Variants in SLC38A7 observed in about 807,000 individuals in gnomAD.
SLC38A7 encodes sodium-coupled neutral amino acid transporter 7.
SLC38A7 carries 29 observed loss-of-function variants against 50.1 expected under a neutral mutation model. That is an observed-to-expected ratio of 0.58 (90% CI 0.43 to 0.79). The LOEUF (loss-of-function observed/expected upper bound fraction) is 0.79. SLC38A7 is among the 30% of genes least tolerant of loss of function. The pLI, the probability that SLC38A7 is intolerant of heterozygous loss-of-function variation, is 0.00. For missense variants in SLC38A7, 483 were observed against 610.6 expected (o/e 0.79, Z 2.20); for synonymous variants, 244 against 245.9 (o/e 0.99, Z 0.07).
Position 58,678,739 on chromosome 16 carries a change from G to C in SLC38A7, c.426C>G (p.Thr142=), listed in dbSNP as rs759036819. Residue 142 remains threonine (T), a synonymous_variant, in exon 4 of 12, where the codon ACC becomes ACG. Coordinates refer to ENST00000219320, the MANE Select transcript of SLC38A7 (RefSeq NM_018231.3). The surrounding 1 kb of genome is among the most constrained non-coding windows in gnomAD (Gnocchi z 4.0). Reference sequence around the variant, plus strand: ...CAATGATGATTAGGAAGGCAATGCAGGTGCCAAAGGTGTAGACAGCGATGG... The same window carrying C: ...CAATGATGATTAGGAAGGCAATGCACGTGCCAAAGGTGTAGACAGCGATGG... ...EVAIAVYTFG[T]CIAFLIIIGD... is the part of the protein sequence containing the mutation. 8.7e-6 allele frequency: 14 copies of C among 1,614,178 alleles called. No homozygotes were observed. In the East Asian group the frequency reaches 3.1e-4, roughly 36 times the overall value.
At chr16:58,670,018 C>T (rs2044129428) in intron 11 of SLC38A7, 95 bp downstream of exon 11, 1 of 1,067,342 alleles carries the variant, frequency 9.4e-7, no homozygotes, top group Non-Finnish European at 1.4e-6. Context: ...TCTAAGTACA[C>T]AAGCCTCTGA....
chr16:58,672,345 G>T, intron 8 of SLC38A7, 102 bp from the exon 9 acceptor site: 1 of 1,272,886 alleles, frequency 7.9e-7, no homozygotes, highest in Non-Finnish European at 1.1e-6. Context: ...TGCAGCAGCA[G>T]CTCTGGACAC....
Position 58,675,958 on chromosome 16 carries a change from C to A in SLC38A7, c.865G>T (p.Ala289Ser). The A allele has an allele frequency of 6.2e-7, 1 of 1,612,326 alleles. No homozygotes were observed. The highest frequency in any genetic ancestry group is 8.5e-7 in the Non-Finnish European group (1 of 1,179,280). The change falls in exon 8 of 12, where the codon GCT becomes TCT. Residue 289 changes from alanine (A) to serine (S), a missense_variant. Physicochemically the swap from Ala to Ser is moderately conservative, Grantham distance 99. Coordinates refer to ENST00000219320, the MANE Select transcript of SLC38A7 (RefSeq NM_018231.3). ...CACTCACCTGTCCCCATGTAGACAG[C>A]GAGGGCTATGACCATGGCAGCTGTC... ...VVTAAMVIAL[A>S]VYMGTGICGF...
At position 58,678,979 on chromosome 16, in the gene SLC38A7, G is replaced by T; in HGVS notation, c.271-85C>A. Reference sequence around the variant, plus strand: ...GGCTCGCCTAGCATTTACTGGGCCAGTGCCCAAAGCAAGCTTGGCAAATCT... The same window carrying T: ...GGCTCGCCTAGCATTTACTGGGCCATTGCCCAAAGCAAGCTTGGCAAATCT... On this transcript the variant is annotated intron_variant, in intron 3 of 11. Coordinates refer to ENST00000219320, the MANE Select transcript of SLC38A7 (RefSeq NM_018231.3). This position sits in a 1 kb window ranked among gnomAD's most constrained non-coding sequence, Gnocchi z 4.0. 7.3e-7 allele frequency: 1 copy of T among 1,371,666 alleles called. No individual in the cohort carries two copies. Among genetic ancestry groups the T allele is most frequent in the South Asian group, 1.2e-5 (1 of 81,662 alleles). 85.0% of individuals were successfully genotyped at this position (1,371,666 alleles called of 1,614,324 possible).
intron 11 of SLC38A7, 83 bp from the exon 12 acceptor site, chr16:58,667,570 T>G: frequency 1.9e-6 from 2 of 1,063,134 alleles, no homozygotes; most frequent in Non-Finnish European, 2.7e-6. Flanking sequence ...TGTTAATTAC[T>G]GTAATTATCG....
chr16:58,672,325 G>T, intron 8 of SLC38A7, 82 bp from the exon 9 acceptor site: 1 of 1,421,526 alleles, frequency 7.0e-7, no homozygotes, highest in Non-Finnish European at 9.5e-7. Flanking sequence ...AGCAACATCA[G>T]CCTGGAGGCT....
At chr16:58,672,006 T>A in intron 9 of SLC38A7, 90 bp downstream of exon 9, 1 of 1,380,844 alleles carries the variant, frequency 7.2e-7, no homozygotes. Context: ...TTTCTCCTTC[T>A]ACAGGATGGG....
chr16:58,677,460 A>G, intron 5 of SLC38A7, 36 bp from the exon 6 acceptor site: 1 of 1,586,530 alleles, frequency 6.3e-7, no homozygotes. Context: ...CCTCATCCCC[A>G]GCTGCCTCTT....
rs1444902163 is a variant in SLC38A7, at chr16:58,666,305, C to T, written c.*1080G>A. On this transcript the variant is annotated 3_prime_UTR_variant, in exon 12 of 12. Transcript: ENST00000219320. Reference sequence around the variant, plus strand: ...TGGTCTCGAACTCCTGACCTCAAGTCATCTGCCCGCCTTGGCCTCCCAAAG... The same window carrying T: ...TGGTCTCGAACTCCTGACCTCAAGTTATCTGCCCGCCTTGGCCTCCCAAAG... 3 of 150,974 alleles carry T rather than the reference C, an allele frequency of 2.0e-5. No individual in the cohort carries two copies. The East Asian group carries it at 5.8e-4, about 29-fold the overall frequency. The allele number at this position is 150,974 out of a possible 1,614,324, so 9.4% of individuals were successfully genotyped here.
chr16:58,678,998 CA>C lies in SLC38A7; in HGVS notation c.271-105del. 2 of 1,142,770 alleles carry C rather than the reference CA, an allele frequency of 1.8e-6. No homozygotes were observed. The highest frequency in any genetic ancestry group is 2.8e-5 in the South Asian group (2 of 71,572). 70.8% of individuals were successfully genotyped at this position (1,142,770 alleles called of 1,614,324 possible). A position where few individuals can be genotyped will look rare whatever the true frequency, so the allele number is the denominator to read the frequency against. On this transcript the variant is annotated intron_variant, in intron 3 of 11. Transcript: ENST00000219320. The surrounding 1 kb of genome is among the most constrained non-coding windows in gnomAD (Gnocchi z 4.0). Reference sequence around the variant, plus strand: ...GGGCCAGTGCCCAAAGCAAGCTTGGCAAATCTCACAAAGGCAATTTTAAGAG... The same window carrying C: ...GGGCCAGTGCCCAAAGCAAGCTTGGCAATCTCACAAAGGCAATTTTAAGAG...
intron 6 of SLC38A7, 25 bp from the exon 7 acceptor site, chr16:58,676,371 G>A (rs2044266969): frequency 1.2e-6 from 2 of 1,613,870 alleles, no homozygotes; most frequent in Non-Finnish European, 1.7e-6. Context: ...ACATGGTGCT[G>A]CCACCTGGGA....
chr16:58,668,446 G>A (rs776778757), intron 11 of SLC38A7, among the ~76,000 whole-genome samples: 10 of 152,220 alleles, frequency 6.6e-5, no homozygotes, highest in Admixed American at 3.9e-4. Context: ...ATGGTGCTGC[G>A]CACCTGTAAT....
chr16:58,680,617 T>G (rs1398720402), intron 2 of SLC38A7, among the ~76,000 whole-genome samples: 2 of 152,206 alleles, frequency 1.3e-5, no homozygotes, highest in African/African-American at 4.8e-5. Context: ...CAGGGTCATA[T>G]ATTAGCAAGT....
At chr16:58,675,346 G>GAAAAA in intron 8 of SLC38A7, 22 of 327,732 alleles carry the variant, frequency 6.7e-5, no homozygotes, top group Admixed American at 1.6e-4. Context: ...GTCTCTGCTA[G>GAAAAA]AAAAAAAAAA....
At chr16:58,681,214 G>A (rs1386607588) in intron 2 of SLC38A7, among the ~76,000 whole-genome samples, 2 of 152,222 alleles carry the variant, frequency 1.3e-5, no homozygotes, top group East Asian at 1.9e-4. Flanking sequence ...AGAGGAAGCT[G>A]AATCCCAGAG....
intron 8 of SLC38A7, 21 bp downstream of exon 8, chr16:58,675,919 T>G: frequency 2.0e-6 from 3 of 1,527,488 alleles, no homozygotes; most frequent in Non-Finnish European, 2.6e-6. Flanking sequence ...GTCCCAGGTC[T>G]TGGGGGGGGG....
chr16:58,671,531 A>G (rs1256420104), intron 9 of SLC38A7: 1 of 527,016 alleles, frequency 1.9e-6, no homozygotes, highest in African/African-American at 1.9e-5. Context: ...GTCCATGTGA[A>G]AGCTCAGGAA....
In SLC38A7 at chr16:58,678,190, T is replaced by C. The variant is rs1354521147; in HGVS notation, c.611+143A>G. 6.5e-6 allele frequency: 6 copies of C among 920,588 alleles called. No individual in the cohort carries two copies. In the East Asian group the frequency reaches 1.6e-4, roughly 25 times the overall value. The allele number at this position is 920,588 out of a possible 1,614,324, so 57.0% of individuals were successfully genotyped here. ...AAAAGGATGGTCTTATCTGAAACCC[T>C]GCAAGCCCCGGTCTGCCCTGCCTTG... On this transcript the variant is annotated intron_variant, in intron 5 of 11. Transcript: ENST00000219320. This position sits in a 1 kb window ranked among gnomAD's most constrained non-coding sequence, Gnocchi z 4.0.
At chr16:58,671,022 G>A (rs1220684282) in intron 10 of SLC38A7, 23 bp downstream of exon 10, 1 of 1,563,408 alleles carries the variant, frequency 6.4e-7, no homozygotes, top group South Asian at 1.2e-5. Context: ...GGGGCTGTGA[G>A]ATGGGGCGCC....
Sources: gnomAD v4.1 joint callset for allele counts (sites outside exome capture counted in the v4.1 genomes callset) on GRCh38, gnomAD v4.1.1 for gene constraint, Gnocchi (gnomAD v3.1) non-coding constraint, MANE v1.5 for transcripts, NCBI Gene and HGNC (gene_info 2026-07-23, HGNC 2026-07-21) for gene names.